DUOX1: variants seen among roughly 807,000 people sequenced by gnomAD.
DUOX1 encodes the protein dual oxidase 1.
DUOX1 carries 134 observed loss-of-function variants against 181.8 expected under a neutral mutation model. That is an observed-to-expected ratio of 0.74 (90% CI 0.64 to 0.85). The LOEUF is 0.85. DUOX1 is among the 40% of genes least tolerant of loss of function. The pLI is 0.00. For missense variants in DUOX1, 1,814 were observed against 2,064.4 expected, an observed-to-expected ratio of 0.88 and a Z score of 2.35; for synonymous variants, 798 against 832.5, an observed-to-expected ratio of 0.96 and a Z score of 0.71.
At chr15:45,139,683 T>G (rs1208026342) in intron 12 of DUOX1, 84 bp downstream of exon 12, 3 of 1,421,448 alleles carry the variant, frequency 2.1e-6, no homozygotes, top group Non-Finnish European at 2.8e-6. Flanking sequence ...CAGTGAAACT[T>G]GAGCACAAGA....
chr15:45,137,516 A>G (rs1486242670), intron 9 of DUOX1, among the ~76,000 whole-genome samples: 1 of 152,194 alleles, frequency 6.6e-6, no homozygotes, highest in Non-Finnish European at 1.5e-5. Flanking sequence ...TCTCTGGGGT[A>G]TGCCTGATGA....
intron 1 of DUOX1, 55 bp downstream of exon 1, chr15:45,130,153 GA>G (rs1436619268): frequency 6.6e-6 from 1 of 152,344 alleles, no homozygotes; most frequent in East Asian, 1.9e-4. Flanking sequence ...CCGGGGGAGG[GA>G]GCTCCAAGGG....
intron 7 of DUOX1, 75 bp from the exon 8 acceptor site, chr15:45,136,275 C>G: frequency 1.2e-6 from 2 of 1,606,084 alleles, no homozygotes; most frequent in Non-Finnish European, 1.7e-6. Context: ...ACACGGAAGC[C>G]GTCCTTGGGC....
At chr15:45,144,724 C>T (rs925585195) in intron 17 of DUOX1, among the ~76,000 whole-genome samples, 171 bp from the exon 18 acceptor site, 1 of 152,254 alleles carries the variant, frequency 6.6e-6, no homozygotes, top group Non-Finnish European at 1.5e-5. Context: ...AAACTCTGCA[C>T]CTATGAGCAA....
At position 45,143,931 on chromosome 15, in the gene DUOX1, G is replaced by T. The variant is rs1347517968; in HGVS notation, c.1937-105G>T. On this transcript the variant is annotated intron_variant, in intron 16 of 33. Coordinates refer to ENST00000389037, the MANE Select transcript of DUOX1 (RefSeq NM_175940.3). ...TCTCAGTACCCCAGAAGGGGACAAT[G>T]AACTGTGGAGGCCTTGATCTAATTT... The T allele has an allele frequency of 4.5e-6, 5 of 1,101,800 alleles. No homozygotes were observed. The Admixed American group carries it at 9.2e-5, about 20-fold the overall frequency. 68.3% of individuals were successfully genotyped at this position (1,101,800 alleles called of 1,614,324 possible). A position where few individuals can be genotyped will look rare whatever the true frequency, so the allele number is the denominator to read the frequency against.
Position 45,147,638 on chromosome 15 carries a change from T to A in DUOX1, c.2528T>A (p.Ile843Asn). Residue 843 changes from isoleucine (I) to asparagine (N), a missense_variant, in exon 19 of 34, where the codon ATC becomes AAC. Ile to Asn is a moderately radical substitution (Grantham distance 149). Around this residue, in one of 5 missense-constraint regions of DUOX1, gnomAD observed 1,064 missense variants for 1,152.9 expected, o/e 0.92. Coordinates refer to ENST00000389037, the MANE Select transcript of DUOX1 (RefSeq NM_175940.3). Reference sequence around the variant, plus strand: ...CTGTCCTTCCGAGAGTTCCTGGACATCCTGGTGGTCTTCATGAAAGGTGAG... The same window carrying A: ...CTGTCCTTCCGAGAGTTCCTGGACAACCTGGTGGTCTTCATGAAAGGTGAG... ...GYLSFREFLDILVVFMKGSPE... is the reference protein window; with the variant it reads ...GYLSFREFLDNLVVFMKGSPE... 1 of 1,614,164 alleles carries A rather than the reference T, an allele frequency of 6.2e-7. No homozygotes were observed. Among genetic ancestry groups the A allele is most frequent in the Non-Finnish European group, 8.5e-7 (1 of 1,180,028 alleles).
At chr15:45,148,511 A>G in intron 21 of DUOX1, 64 bp downstream of exon 21, 1 of 1,515,020 alleles carries the variant, frequency 6.6e-7, no homozygotes, top group Non-Finnish European at 8.9e-7. Flanking sequence ...ATGCCCACAT[A>G]CTTTTAGGAG....
In DUOX1 at chr15:45,162,366, T is replaced by A. The variant is rs753008207; in HGVS notation, c.4237T>A (p.Phe1413Ile). 6.2e-7 allele frequency: 1 copy of A among 1,613,906 alleles called. No individual in the cohort carries two copies. The highest frequency in any genetic ancestry group is 2.2e-5 in the East Asian group (1 of 44,870). Residue 1413 changes from phenylalanine (F) to isoleucine (I), a missense_variant, in exon 31 of 34, where the codon TTC becomes ATC. Around this residue, in one of 5 missense-constraint regions of DUOX1, gnomAD observed 279 missense variants for 381.9 expected, o/e 0.73. Transcript: ENST00000389037. ...VFKSSVSCQV[F>I]CKKIYFIWVT... is the part of the protein sequence containing the mutation. ...CAAGTCATCCGTCAGCTGCCAAGTG[T>A]TCTGTAAGAAGGTGAGTACTGCCCC...
chr15:45,148,181 A>C lies in DUOX1; in HGVS notation c.2643-91A>C. ...CCAGTCGGGGCCCCTCCACATGGGC[A>C]CAGAGAACTTGGTGCGATGGAGTCA... On this transcript the variant is annotated intron_variant, in intron 20 of 33. Coordinates refer to ENST00000389037, the MANE Select transcript of DUOX1 (RefSeq NM_175940.3). The C allele has an allele frequency of 2.5e-6, 4 of 1,583,924 alleles. No individual in the cohort carries two copies. In the South Asian group the frequency reaches 4.5e-5, roughly 18 times the overall value.
chr15:45,155,460 G>A, intron 27 of DUOX1: 1 of 244,848 alleles, frequency 4.1e-6, no homozygotes, highest in South Asian at 6.0e-5. Flanking sequence ...CAGCTACTCA[G>A]GAGGCCGAGG....
At chr15:45,162,080 C>G in intron 30 of DUOX1, 110 bp downstream of exon 30, 1 of 1,451,756 alleles carries the variant, frequency 6.9e-7, no homozygotes, top group Non-Finnish European at 9.4e-7. Flanking sequence ...CATCTAGAGA[C>G]TGGTTGTTCC....
rs72204897 is a variant in DUOX1, at chr15:45,138,078, ATGTGTG to A, written c.1113+87_1113+92del. 50 of 548,846 alleles carry A rather than the reference ATGTGTG, an allele frequency of 9.1e-5. No individual in the cohort carries two copies. In the South Asian group the frequency reaches 9.4e-4, roughly 10 times the overall value. The allele number at this position is 548,846 out of a possible 1,614,324, so 34.0% of individuals were successfully genotyped here. On this transcript the variant is annotated intron_variant, in intron 10 of 33. Coordinates refer to ENST00000389037, the MANE Select transcript of DUOX1 (RefSeq NM_175940.3). Reference sequence around the variant, plus strand: ...TGTGCATGCTTATGTGTGTGTGTGTATGTGTGTGTGTGTGTGTGTGTGTGTGTGAGT... The same window carrying A: ...TGTGCATGCTTATGTGTGTGTGTGTATGTGTGTGTGTGTGTGTGTGTGAGT...
At chr15:45,141,789 T>C (rs1200033557) in intron 14 of DUOX1, 186 bp from the exon 15 acceptor site, 2 of 617,688 alleles carry the variant, frequency 3.2e-6, no homozygotes, top group African/African-American at 3.7e-5. Flanking sequence ...TGTGTACACT[T>C]CTGTGTGTGA....
intron 16 of DUOX1, 141 bp downstream of exon 16, chr15:45,143,444 T>C: frequency 1.5e-6 from 1 of 658,120 alleles, no homozygotes. Flanking sequence ...TAAGCAGAAG[T>C]TGGACATGGA....
chr15:45,153,565 T>C, intron 26 of DUOX1, 86 bp downstream of exon 26: 3 of 1,311,324 alleles, frequency 2.3e-6, no homozygotes, highest in Non-Finnish European at 2.2e-6. Context: ...GGAGGATTCC[T>C]TTTGGGTGGA....
intron 28 of DUOX1, 58 bp from the exon 29 acceptor site, chr15:45,160,779 G>A: frequency 6.5e-7 from 1 of 1,550,184 alleles, no homozygotes. Context: ...GCCTGAGCTG[G>A]CCCTGTATTC....
intron 11 of DUOX1, 22 bp downstream of exon 11, chr15:45,139,190 C>A (rs1261906843): frequency 1.9e-6 from 3 of 1,613,902 alleles, no homozygotes; most frequent in Non-Finnish European, 1.7e-6. Context: ...GCTGTCCCTG[C>A]AGGTTGTGAA....
rs368654104 is a variant in DUOX1 at position 45,161,444 on chromosome 15, AGGAG to A, written c.3857-276_3857-273del. Among the ~76,000 whole-genome samples, 185 of 76,598 alleles carry A rather than the reference AGGAG, an allele frequency of 2.4e-3. 3 individuals are homozygous for A. The South Asian group carries it at 0.044, about 18-fold the overall frequency. 50.3% of individuals were successfully genotyped at this position (76,598 alleles called of 152,430 possible). On this transcript the variant is annotated intron_variant, in intron 29 of 33. Transcript: ENST00000389037. The stretch of plus-strand genomic sequence containing the variant: ...AAAAAAAAAAAAAAAAAAAAAAGGA[AGGAG>A]GGAGGGAGGGAGGGAGGAAGGAAGG...
chr15:45,134,828 TG>T (rs2141252680), intron 4 of DUOX1, among the ~76,000 whole-genome samples: 1 of 152,162 alleles, frequency 6.6e-6, no homozygotes, highest in East Asian at 1.9e-4. Context: ...GAGCTGGTGC[TG>T]CCGGCCCGTT....
Sources: allele counts gnomAD v4.1 joint callset (sites outside exome capture counted in the v4.1 genomes callset), GRCh38; gene constraint gnomAD v4.1.1; regional missense constraint gnomAD v4.1.1; transcripts MANE v1.5; gene names NCBI Gene and HGNC (gene_info 2026-07-23, HGNC 2026-07-21).